ASIC2: variants seen among roughly 807,000 people sequenced by gnomAD.
ASIC2 encodes acid sensing ion channel subunit 2, also known as acid-sensing ion channel 2.
A neutral mutation model predicts 57.3 loss-of-function variants in ASIC2; 25 were observed. That is an observed-to-expected ratio of 0.44 (90% CI 0.32 to 0.61). ASIC2 has a LOEUF of 0.61. Among genes scored for constraint, ASIC2 ranks in the 20% least tolerant of loss-of-function variants. The pLI, the probability that ASIC2 is intolerant of heterozygous loss-of-function variation, is 0.06. For missense variants in ASIC2, 641 were observed against 738.1 expected (o/e 0.87, Z 1.52); for synonymous variants, 319 against 307.5 (o/e 1.04, Z -0.39).
At chr17:33,239,948 C>G (rs752947594) in intron 1 of ASIC2, among the ~76,000 whole-genome samples, 1 of 152,202 alleles carries the variant, frequency 6.6e-6, no homozygotes, top group Non-Finnish European at 1.5e-5. Context: ...CTTCCCCCCA[C>G]GCTGCTGCAG....
Position 33,587,357 on chromosome 17 carries a change from C to T in ASIC2, c.556-475290G>A, listed in dbSNP as rs73984029. Reference sequence around the variant, plus strand: ...AGATCTCAGGGTCAGTTCAGTGGCTCAGTGATGTCATTCAGAACTCACAGT... The same window carrying T: ...AGATCTCAGGGTCAGTTCAGTGGCTTAGTGATGTCATTCAGAACTCACAGT... On this transcript the variant is annotated intron_variant, in intron 1 of 9. Transcript: ENST00000359872. 1.9e-3 allele frequency among the ~76,000 whole-genome samples: 294 copies of T among 152,328 alleles called. 2 individuals are homozygous for T. Among genetic ancestry groups the T allele is most frequent in the African/African-American group, 6.4e-3 (268 of 41,584 alleles).
intron 1 of ASIC2, among the ~76,000 whole-genome samples, chr17:33,817,812 C>T (rs1300738375): frequency 1.3e-5 from 2 of 152,166 alleles, no homozygotes; most frequent in Non-Finnish European, 2.9e-5. Flanking sequence ...CTCTAGTCAG[C>T]ATCAACGGGG....
intron 1 of ASIC2, among the ~76,000 whole-genome samples, chr17:33,852,862 A>G (rs2141917062): frequency 6.6e-6 from 1 of 152,194 alleles, no homozygotes; most frequent in African/African-American, 2.4e-5. Flanking sequence ...TAAATGGGCC[A>G]CCACCTCCAT....
intron 1 of ASIC2, among the ~76,000 whole-genome samples, chr17:33,306,671 G>T (rs967236292): frequency 2.6e-5 from 4 of 152,098 alleles, no homozygotes; most frequent in Admixed American, 6.6e-5. Flanking sequence ...GTTGTCTACA[G>T]CCTAGAGCTT....
chr17:33,419,010 G>A (rs1213730258), intron 1 of ASIC2, among the ~76,000 whole-genome samples: 2 of 152,120 alleles, frequency 1.3e-5, no homozygotes, highest in Non-Finnish European at 2.9e-5. Context: ...TAGATGATGG[G>A]CTGATGGGTG....
At chr17:33,919,996 C>T (rs953088044) in intron 1 of ASIC2, among the ~76,000 whole-genome samples, 1 of 152,048 alleles carries the variant, frequency 6.6e-6, no homozygotes, top group African/African-American at 2.4e-5. Flanking sequence ...GTCAGAAAGG[C>T]TATAATTAAA....
intron 1 of ASIC2, among the ~76,000 whole-genome samples, chr17:33,730,294 T>C (rs1193247755): frequency 6.6e-6 from 1 of 152,164 alleles, no homozygotes; most frequent in Non-Finnish European, 1.5e-5. Flanking sequence ...GAGAGGTAAA[T>C]CAGAACAGGC....
At chr17:33,974,047 T>A (rs1905297979) in intron 1 of ASIC2, among the ~76,000 whole-genome samples, 1 of 152,176 alleles carries the variant, frequency 6.6e-6, no homozygotes, top group South Asian at 2.1e-4. Context: ...CTAATCCCCA[T>A]TCACTCAGTC....
chr17:33,740,440 G>A (rs913238550), intron 1 of ASIC2, among the ~76,000 whole-genome samples: 2 of 152,158 alleles, frequency 1.3e-5, no homozygotes, highest in South Asian at 4.1e-4. Context: ...AGCAAAAAGG[G>A]GAAAAGCCTC....
At chr17:33,149,174 T>A (rs1904684516) in intron 1 of ASIC2, among the ~76,000 whole-genome samples, 1 of 152,296 alleles carries the variant, frequency 6.6e-6, no homozygotes, top group South Asian at 2.1e-4. Flanking sequence ...AGTTTCAGAT[T>A]TTTGTTTTGT....
intron 1 of ASIC2, among the ~76,000 whole-genome samples, chr17:33,352,147 C>G (rs919714552): frequency 2.0e-5 from 3 of 152,126 alleles, no homozygotes; most frequent in African/African-American, 2.4e-5. Flanking sequence ...GTTCCTCAGT[C>G]TCTATCTGTA....
intron 1 of ASIC2, among the ~76,000 whole-genome samples, chr17:33,651,511 A>G (rs945742651): frequency 4.6e-5 from 7 of 152,202 alleles, no homozygotes; most frequent in Admixed American, 1.3e-4. Flanking sequence ...TGTCAATTGC[A>G]AATTCAGTCA....
chr17:33,867,872 G>A (rs1480259749), intron 1 of ASIC2, among the ~76,000 whole-genome samples: 1 of 152,210 alleles, frequency 6.6e-6, no homozygotes, highest in Non-Finnish European at 1.5e-5. Context: ...CAGAGATACA[G>A]CACTGCTGTC....
chr17:33,517,995 T>C (rs566422560), intron 1 of ASIC2, among the ~76,000 whole-genome samples: 130 of 152,320 alleles, frequency 8.5e-4, no homozygotes, highest in African/African-American at 3.1e-3. Flanking sequence ...GGAGCTGGCC[T>C]GGAAGTCCAG....
intron 1 of ASIC2, among the ~76,000 whole-genome samples, chr17:33,180,087 A>C (rs906536745): frequency 2.0e-5 from 3 of 152,222 alleles, no homozygotes; most frequent in African/African-American, 7.2e-5. Flanking sequence ...TCATCCAAGG[A>C]TAAAAACAAC....
At chr17:33,555,659 G>A (rs1915886119) in intron 1 of ASIC2, among the ~76,000 whole-genome samples, 1 of 152,122 alleles carries the variant, frequency 6.6e-6, no homozygotes, top group South Asian at 2.1e-4. Context: ...ATGAAAGGAT[G>A]GAGCTTATGC....
In ASIC2 at chr17:33,164,576, G is replaced by GCGCACA. The variant is rs386418951; in HGVS notation, c.709-52510_709-52509insTGTGCG. ...ACAGCTGTCCCAAAAGCACATGCAC[G>GCGCACA]CACACACACACACACACACACACAC... On this transcript the variant is annotated intron_variant, in intron 1 of 9. Transcript: ENST00000225823. Among the ~76,000 whole-genome samples the GCGCACA allele has an allele frequency of 5.5e-3, 827 of 149,874 alleles. 7 individuals carry two copies. Among genetic ancestry groups the GCGCACA allele is most frequent in the Middle Eastern group, 0.014 (4 of 290 alleles).
intron 1 of ASIC2, among the ~76,000 whole-genome samples, chr17:33,964,794 G>A (rs1012470860): frequency 1.3e-5 from 2 of 152,202 alleles, no homozygotes; most frequent in Non-Finnish European, 2.9e-5. Context: ...GAAGGCAGCC[G>A]CCTGCGGTGG....
At chr17:33,891,389 G>T (rs1479351646) in intron 1 of ASIC2, among the ~76,000 whole-genome samples, 6 of 152,132 alleles carry the variant, frequency 3.9e-5, no homozygotes, top group Non-Finnish European at 8.8e-5. Context: ...TCTGCTTGTA[G>T]AAAGGCTTTT....
Sources: allele counts gnomAD v4.1 joint callset (sites outside exome capture counted in the v4.1 genomes callset), GRCh38; gene constraint gnomAD v4.1.1; transcripts MANE v1.5; gene names NCBI Gene and HGNC (gene_info 2026-07-23, HGNC 2026-07-21).